The following DCLRE1A variants were observed in gnomAD, a reference collection of about 807,000 sequenced individuals.
DCLRE1A encodes the protein DNA cross-link repair 1A.
DCLRE1A carries 64 observed loss-of-function variants against 91.9 expected under a neutral mutation model. The observed-to-expected ratio is 0.70, with a 90% CI of 0.57 to 0.86. The LOEUF (loss-of-function observed/expected upper bound fraction) is 0.86. Among genes scored for constraint, DCLRE1A ranks in the 40% least tolerant of loss-of-function variants. The pLI is 0.00. For synonymous variants in DCLRE1A, 416 were observed against 431.1 expected (o/e 0.96, Z 0.43); for missense variants, 1,145 against 1,213.3 (o/e 0.94, Z 0.84).
Position 113,854,013 on chromosome 10 carries a change from T to G in DCLRE1A, c.-831A>C, listed in dbSNP as rs1238746306. 6.6e-6 allele frequency: 1 copy of G among 152,254 alleles called. No individual in the cohort carries two copies. The highest frequency in any genetic ancestry group is 1.5e-5 in the Non-Finnish European group (1 of 68,114). The allele number at this position is 152,254 out of a possible 1,614,324, so 9.4% of individuals were successfully genotyped here. A position where few individuals can be genotyped will look rare whatever the true frequency, so the allele number is the denominator to read the frequency against. ...TCACACGCCAGCCTCTCCCTTATCT[T>G]TTGGCATTAGAGGCTGGGAGGCCAG... On this transcript the variant is annotated 5_prime_UTR_variant, in exon 1 of 9. Transcript: ENST00000361384.
At chr10:113,838,967 T>TA (rs572983258) in intron 7 of DCLRE1A, among the ~76,000 whole-genome samples, 161 of 146,056 alleles carry the variant, frequency 1.1e-3, no homozygotes, top group Middle Eastern at 3.5e-3. Context: ...TTTTGGCTGG[T>TA]AAAAAAAAAA....
intron 2 of DCLRE1A, among the ~76,000 whole-genome samples, chr10:113,848,178 G>A (rs1034632664): frequency 2.0e-5 from 3 of 151,980 alleles, no homozygotes; most frequent in Admixed American, 1.3e-4. Flanking sequence ...TTAGCCGGGC[G>A]TTGTGGCGGG....
At chr10:113,839,042 G>A (rs751224691) in intron 7 of DCLRE1A, among the ~76,000 whole-genome samples, 6 of 152,036 alleles carry the variant, frequency 3.9e-5, no homozygotes, top group African/African-American at 1.2e-4. Flanking sequence ...GAAATCTTCC[G>A]AGGCCGGGCG....
chr10:113,846,328 TC>T, intron 3 of DCLRE1A, among the ~76,000 whole-genome samples: 1 of 152,256 alleles, frequency 6.6e-6, no homozygotes, highest in South Asian at 2.1e-4. Context: ...TAAAAAGAAT[TC>T]CTGAAGCATG....
chr10:113,846,768 C>A (rs1845544774), intron 3 of DCLRE1A, among the ~76,000 whole-genome samples: 1 of 152,056 alleles, frequency 6.6e-6, no homozygotes. Context: ...AATGTAAATT[C>A]TATGTAAATA....
chr10:113,853,256 A>C lies in DCLRE1A; in HGVS notation c.-74T>G. ...AAGTCCATTTCTTGTCACAAACAAA[A>C]AGTTATAGAATTATTTTGCTGAGAA... On this transcript the variant is annotated 5_prime_UTR_variant, in exon 1 of 9. Transcript: ENST00000361384. 7.5e-7 allele frequency: 1 copy of C among 1,332,240 alleles called. No individual in the cohort carries two copies. Among genetic ancestry groups the C allele is most frequent in the Non-Finnish European group, 1.0e-6 (1 of 1,004,670 alleles). The allele number at this position is 1,332,240 out of a possible 1,614,324, so 82.5% of individuals were successfully genotyped here.
intron 2 of DCLRE1A, among the ~76,000 whole-genome samples, chr10:113,847,820 G>T (rs17235136): frequency 0.06 from 9,205 of 152,166 alleles, 366 homozygotes; most frequent in Middle Eastern, 0.12. Context: ...AACTAGAGGA[G>T]GGGGTGGGAA....
chr10:113,854,354 C>CT (rs995064223), upstream of DCLRE1A: 1 of 152,514 alleles, frequency 6.6e-6, no homozygotes, highest in African/African-American at 2.4e-5. Flanking sequence ...CCCGCTTTAC[C>CT]TTTAGGGTCT....
At chr10:113,842,891 G>T (rs747625250) in intron 5 of DCLRE1A, among the ~76,000 whole-genome samples, 42 of 152,018 alleles carry the variant, frequency 2.8e-4, no homozygotes, top group Non-Finnish European at 5.3e-4. Flanking sequence ...AATAAAAAAT[G>T]ATTAAAGTAA....
chr10:113,847,213 A>G lies in DCLRE1A; in HGVS notation c.2248T>C (p.Tyr750His). 1 of 1,607,918 alleles carries G rather than the reference A, an allele frequency of 6.2e-7. No homozygotes were observed. Among genetic ancestry groups the G allele is most frequent in the Non-Finnish European group, 8.5e-7 (1 of 1,176,154 alleles). ...GLSKHFTFPV[Y>H]CSEITGNLLK... ...ATACTAAAACTTACCTCACTACAAT[A>G]AACTGGAAATGTGAAGTGTTTAGAC... is the stretch of plus-strand genomic sequence containing the variant. Residue 750 changes from tyrosine to histidine, a missense_variant, in exon 3 of 9, where the codon TAT (tyrosine) becomes CAT (histidine). Transcript: ENST00000361384.
Position 113,837,205 on chromosome 10 carries a change from T to G in DCLRE1A, c.2821-2A>C. 1.2e-6 allele frequency: 2 copies of G among 1,606,338 alleles called. No homozygotes were observed. Among genetic ancestry groups the G allele is most frequent in the Non-Finnish European group, 1.7e-6 (2 of 1,177,616 alleles). ...CTTCTTCAAATGACTCTGTAAGCCC[T>G]GTTAAATTAAAATAGCATATTGAGG... On this transcript the variant is annotated splice_acceptor_variant, in intron 7 of 8. Coordinates refer to ENST00000361384, the MANE Select transcript of DCLRE1A (RefSeq NM_014881.5). LOFTEE classifies it high-confidence loss of function.
chr10:113,845,922 C>T, intron 3 of DCLRE1A, 119 bp from the exon 4 acceptor site: 1 of 867,694 alleles, frequency 1.2e-6, no homozygotes, highest in Non-Finnish European at 2.0e-6. Flanking sequence ...TTTAAGTAAA[C>T]ACTCCACAAT....
chr10:113,854,252 A>C (rs1001209201), upstream of DCLRE1A: 4 of 152,206 alleles, frequency 2.6e-5, no homozygotes, highest in East Asian at 7.7e-4. Context: ...CAGCACTCCC[A>C]GATGACAAAA....
chr10:113,844,419 G>T (rs1028488434), intron 4 of DCLRE1A, among the ~76,000 whole-genome samples, 175 bp from the exon 5 acceptor site: 12 of 152,188 alleles, frequency 7.9e-5, no homozygotes, highest in African/African-American at 2.9e-4. Flanking sequence ...AAAAGAACTG[G>T]TGTGCAGGAA....
Position 113,850,925 on chromosome 10 carries a change from T to C in DCLRE1A, c.461-281A>G, listed in dbSNP as rs559786992. Reference sequence around the variant, plus strand: ...ATTGAGAAACTTTCTATAAGCCATCTTGGTATATCCCTGTGTATGTTAATT... The same window carrying C: ...ATTGAGAAACTTTCTATAAGCCATCCTGGTATATCCCTGTGTATGTTAATT... On this transcript the variant is annotated intron_variant, in intron 1 of 8. Coordinates refer to ENST00000361384, the MANE Select transcript of DCLRE1A (RefSeq NM_014881.5). Among the ~76,000 whole-genome samples, 5 of 152,320 alleles carry C rather than the reference T, an allele frequency of 3.3e-5. No homozygotes were observed. The East Asian group carries it at 9.6e-4, about 29-fold the overall frequency.
At chr10:113,842,861 T>C (rs1201364416) in intron 5 of DCLRE1A, among the ~76,000 whole-genome samples, 2 of 152,156 alleles carry the variant, frequency 1.3e-5, no homozygotes, top group African/African-American at 2.4e-5. Context: ...ATAAGGATTA[T>C]ATTTGGACTA....
chr10:113,838,869 A>C (rs989438535), intron 7 of DCLRE1A, among the ~76,000 whole-genome samples: 2 of 152,200 alleles, frequency 1.3e-5, no homozygotes, highest in Non-Finnish European at 2.9e-5. Context: ...ATAGCCTTTC[A>C]AAGGCTTTCA....
chr10:113,850,557 C>A lies in DCLRE1A; in HGVS notation c.548G>T (p.Gly183Val), dbSNP rs1201867125. Residue 183 changes from glycine to valine, a missense_variant, in exon 2 of 9, where the codon GGT becomes GTT. Transcript: ENST00000361384. ...THFLLAQSRA[G>V]DHPFSSPSPA... The stretch of plus-strand genomic sequence containing the variant: ...TGATGGGCTGCTAAAAGGATGATCA[C>A]CAGCCCTGCTTTGAGCTAGCAGGAA... 1.2e-6 allele frequency: 2 copies of A among 1,614,054 alleles called. No individual in the cohort carries two copies. Among genetic ancestry groups the A allele is most frequent in the Non-Finnish European group, 1.7e-6 (2 of 1,180,018 alleles).
intron 2 of DCLRE1A, among the ~76,000 whole-genome samples, chr10:113,847,854 AG>A (rs1554897528): frequency 6.6e-6 from 1 of 152,192 alleles, no homozygotes; most frequent in African/African-American, 2.4e-5. Flanking sequence ...ATGCCTAAAA[AG>A]GCTCCTTAGA....
Sources: allele counts gnomAD v4.1 joint callset (sites outside exome capture counted in the v4.1 genomes callset), GRCh38; gene constraint gnomAD v4.1.1; transcripts MANE v1.5; gene names NCBI Gene and HGNC (gene_info 2026-07-23, HGNC 2026-07-21).